CTNNBL1: variants seen among roughly 807,000 people sequenced by gnomAD.
CTNNBL1 encodes beta-catenin-like protein 1.
CTNNBL1 carries 31 observed loss-of-function variants against 72.7 expected under a neutral mutation model. That is an observed-to-expected ratio of 0.43 (90% CI 0.32 to 0.58). The LOEUF is 0.58. CTNNBL1 is among the 20% of genes least tolerant of loss of function. The pLI is 0.08. For synonymous variants in CTNNBL1, 240 were observed against 267.3 expected (o/e 0.90, Z 1.00); for missense variants, 534 against 725.1 (o/e 0.74, Z 3.03).
intron 1 of CTNNBL1, among the ~76,000 whole-genome samples, chr20:37,729,640 C>T (rs892481309): frequency 6.6e-6 from 1 of 152,296 alleles, no homozygotes; most frequent in Non-Finnish European, 1.5e-5. Context: ...GCTGCTGCAG[C>T]AGGCTCACGC....
chr20:37,835,114 A>T (rs929535877), intron 11 of CTNNBL1, among the ~76,000 whole-genome samples: 2 of 152,264 alleles, frequency 1.3e-5, no homozygotes, highest in Non-Finnish European at 2.9e-5. Flanking sequence ...AAGAAAAAGC[A>T]GTACAAGTGG....
intron 13 of CTNNBL1, among the ~76,000 whole-genome samples, chr20:37,842,929 A>G (rs1379537192): frequency 6.6e-6 from 1 of 152,240 alleles, no homozygotes; most frequent in African/African-American, 2.4e-5. Context: ...GCCAAACCGC[A>G]GGTTCTGAAG....
intron 12 of CTNNBL1, 90 bp from the exon 13 acceptor site, chr20:37,842,249 G>A: frequency 1.1e-6 from 1 of 890,736 alleles, no homozygotes; most frequent in Non-Finnish European, 1.9e-6. Context: ...CTTTGTAAGG[G>A]AGCGACAGTG....
chr20:37,795,726 G>C (rs552841549), intron 10 of CTNNBL1, among the ~76,000 whole-genome samples: 4 of 151,754 alleles, frequency 2.6e-5, no homozygotes, highest in African/African-American at 9.7e-5. Flanking sequence ...TTCATTTTAC[G>C]TATCAATTGT....
chr20:37,812,935 C>G (rs535282631), intron 11 of CTNNBL1, among the ~76,000 whole-genome samples: 19 of 152,104 alleles, frequency 1.2e-4, no homozygotes, highest in East Asian at 5.8e-4. Context: ...AACAGCCCCC[C>G]CCAGGAATGT....
intron 3 of CTNNBL1, among the ~76,000 whole-genome samples, chr20:37,744,955 A>T (rs1028070396): frequency 6.6e-6 from 1 of 152,118 alleles, no homozygotes; most frequent in African/African-American, 2.4e-5. Flanking sequence ...ACTGAAACAG[A>T]ATTTAAGAGT....
Position 37,745,820 on chromosome 20 carries a change from G to A in CTNNBL1, c.327-648G>A, listed in dbSNP as rs112015977. ...AACACCGGGGGAGGGCATGCAGCGT[G>A]AATGCAAAGTAGTTCTGTTCTTAGT... On this transcript the variant is annotated intron_variant, in intron 3 of 15. Transcript: ENST00000361383. Among the ~76,000 whole-genome samples the A allele has an allele frequency of 1.6e-3, 247 of 152,334 alleles. 1 individual carries two copies. Among genetic ancestry groups the A allele is most frequent in the African/African-American group, 5.7e-3 (235 of 41,582 alleles).
chr20:37,714,691 C>T (rs953104694), intron 1 of CTNNBL1, among the ~76,000 whole-genome samples: 17 of 152,260 alleles, frequency 1.1e-4, no homozygotes, highest in African/African-American at 4.1e-4. Flanking sequence ...CTTTACCCAG[C>T]CTTATAGGCA....
At chr20:37,753,268 G>C (rs2073336475) in intron 4 of CTNNBL1, among the ~76,000 whole-genome samples, 2 of 152,162 alleles carry the variant, frequency 1.3e-5, no homozygotes, top group African/African-American at 4.8e-5. Flanking sequence ...GTAGGTAGCT[G>C]ATTTCTTGTT....
chr20:37,742,992 C>T (rs1280656534), intron 3 of CTNNBL1, among the ~76,000 whole-genome samples: 2 of 151,894 alleles, frequency 1.3e-5, no homozygotes, highest in African/African-American at 2.4e-5. Context: ...TTAGTAGAGA[C>T]GGGGTTTCAC....
intron 1 of CTNNBL1, among the ~76,000 whole-genome samples, chr20:37,713,027 CT>C (rs1341473813): frequency 6.6e-6 from 1 of 152,220 alleles, no homozygotes; most frequent in Non-Finnish European, 1.5e-5. Context: ...TGTAAAGTCA[CT>C]GAATATTGTC....
At chr20:37,792,897 A>G (rs2073738379) in intron 10 of CTNNBL1, among the ~76,000 whole-genome samples, 1 of 152,174 alleles carries the variant, frequency 6.6e-6, no homozygotes, top group Non-Finnish European at 1.5e-5. Flanking sequence ...TCTTTGACCA[A>G]TGAGTTATTT....
intron 10 of CTNNBL1, among the ~76,000 whole-genome samples, chr20:37,800,797 A>C (rs1220968192): frequency 2.6e-5 from 4 of 152,138 alleles, no homozygotes. Flanking sequence ...CCCTGATCGA[A>C]GCTAGGAACA....
At chr20:37,761,918 G>T (rs758815317) in intron 5 of CTNNBL1, among the ~76,000 whole-genome samples, 1 of 152,238 alleles carries the variant, frequency 6.6e-6, no homozygotes, top group African/African-American at 2.4e-5. Context: ...CAGAGAAGGG[G>T]CCAGTCTTGT....
chr20:37,733,831 C>G (rs930724689), intron 2 of CTNNBL1, among the ~76,000 whole-genome samples: 2 of 152,164 alleles, frequency 1.3e-5, no homozygotes, highest in Non-Finnish European at 2.9e-5. Flanking sequence ...CTCTCAGCCT[C>G]CCATGAAAAC....
At chr20:37,695,603 TAGAC>T (rs1480575898) in intron 1 of CTNNBL1, among the ~76,000 whole-genome samples, 1 of 152,236 alleles carries the variant, frequency 6.6e-6, no homozygotes, top group African/African-American at 2.4e-5. Context: ...ATATTTTTGT[TAGAC>T]AGCCCTGCAG....
chr20:37,859,499 A>G (rs564480831), intron 13 of CTNNBL1, among the ~76,000 whole-genome samples: 79 of 152,248 alleles, frequency 5.2e-4, no homozygotes, highest in Admixed American at 8.5e-4. Context: ...ATGGTAGGTC[A>G]GGGGCCAACT....
chr20:37,768,038 G>T lies in CTNNBL1; in HGVS notation c.744G>T (p.Arg248Ser), dbSNP rs1268948270. 1.2e-6 allele frequency: 2 copies of T among 1,613,634 alleles called. No individual in the cohort carries two copies. The highest frequency in any genetic ancestry group is 2.7e-5 in the African/African-American group (2 of 74,892). The change falls in exon 7 of 16, where the codon AGG (arginine) becomes AGT (serine). Residue 248 changes from arginine to serine, a missense_variant. Arg to Ser is a moderately radical substitution (Grantham distance 110). Transcript: ENST00000361383. ...GTCTTCTACAGTGGCTGTTGAAGAGGCTGAAGGTGAGTTTGGCTGTGGGGA... is the reference window on the plus strand; with the variant it reads ...GTCTTCTACAGTGGCTGTTGAAGAGTCTGAAGGTGAGTTTGGCTGTGGGGA... ...QQGLLQWLLK[R>S]LKAKMPFDAN...
chr20:37,849,525 T>C (rs2072377542), intron 13 of CTNNBL1, among the ~76,000 whole-genome samples: 1 of 152,254 alleles, frequency 6.6e-6, no homozygotes, highest in South Asian at 2.1e-4. Context: ...TACCTCTCTG[T>C]GCCATCTTTT....
Sources: gnomAD v4.1 joint callset for allele counts (sites outside exome capture counted in the v4.1 genomes callset) on GRCh38, gnomAD v4.1.1 for gene constraint, MANE v1.5 for transcripts, NCBI Gene and HGNC (gene_info 2026-07-23, HGNC 2026-07-21) for gene names.